Variants in PHACTR2 observed in about 807,000 individuals in gnomAD.
PHACTR2 encodes chromosome 6 open reading frame 56.
Under a neutral mutation model 76.0 loss-of-function variants are expected in PHACTR2, and 30 were observed. The observed-to-expected ratio is 0.39, with a 90% CI of 0.30 to 0.54. PHACTR2 has a LOEUF of 0.54. Among genes scored for constraint, PHACTR2 ranks in the 20% least tolerant of loss-of-function variants. The probability of loss-of-function intolerance (pLI) is 0.61; values close to 1 mark genes in which losing one functional copy is unlikely to be tolerated. For synonymous variants in PHACTR2, 292 were observed against 292.5 expected (o/e 1.00, Z 0.02); for missense variants, 696 against 781.1 (o/e 0.89, Z 1.30).
At position 143,726,600 on chromosome 6, in the gene PHACTR2, C is replaced by G. The variant is rs535295854; in HGVS notation, c.214+14417C>G. 3.3e-5 allele frequency among the ~76,000 whole-genome samples: 5 copies of G among 152,102 alleles called. 1 individual carries two copies. In the East Asian group the frequency reaches 9.6e-4, roughly 29 times the overall value. On this transcript the variant is annotated intron_variant, in intron 2 of 12. Transcript: ENST00000440869. ...ATGCTGTAGCATGTGACAAGATTTC[C>G]TTTTTTCAAAGACTGTGTAGTATAC...
rs1378327689 is a variant in PHACTR2 at position 143,777,890 on chromosome 6, A to T, written c.1645+507A>T. ...TCGGCTTCCTTCTTGAGTTGTTTAT[A>T]ATTTCTCAGCACTAAAACGTTCTCC... On this transcript the variant is annotated intron_variant, in intron 9 of 12. Coordinates refer to ENST00000440869, the MANE Select transcript of PHACTR2 (RefSeq NM_001100164.2). This position sits in a 1 kb window ranked among gnomAD's most constrained non-coding sequence, Gnocchi z 4.6. Among the ~76,000 whole-genome samples, 1 of 152,136 alleles carries T rather than the reference A, an allele frequency of 6.6e-6. No homozygotes were observed. Among genetic ancestry groups the T allele is most frequent in the African/African-American group, 2.4e-5 (1 of 41,436 alleles).
intron 1 of PHACTR2, among the ~76,000 whole-genome samples, chr6:143,628,551 C>A (rs961244508): frequency 1.3e-5 from 2 of 152,146 alleles, no homozygotes; most frequent in Non-Finnish European, 2.9e-5. Flanking sequence ...TGTCTTTGCA[C>A]CTTCTCCCTC....
chr6:143,575,075 A>T (rs1297291462), intron 1 of PHACTR2, among the ~76,000 whole-genome samples: 1 of 152,204 alleles, frequency 6.6e-6, no homozygotes, highest in Non-Finnish European at 1.5e-5. Flanking sequence ...GATGATAAAC[A>T]AAAAATAGGC....
In PHACTR2 at chr6:143,784,070, T is replaced by A. The variant is rs1320670018; in HGVS notation, c.1707+790T>A. ...AAAGAAAAAAAGAAGTGAAAAAAGTTTTTAATTATGATAAAAATTATTTCT... is the reference window on the plus strand; with the variant it reads ...AAAGAAAAAAAGAAGTGAAAAAAGTATTTAATTATGATAAAAATTATTTCT... On this transcript the variant is annotated intron_variant, in intron 10 of 12. Transcript: ENST00000440869. This position sits in a 1 kb window ranked among gnomAD's most constrained non-coding sequence, Gnocchi z 4.5. Among the ~76,000 whole-genome samples the A allele has an allele frequency of 6.6e-6, 1 of 152,150 alleles. No homozygotes were observed. Among genetic ancestry groups the A allele is most frequent in the Admixed American group, 6.5e-5 (1 of 15,272 alleles).
At chr6:143,682,646 G>C (rs544192340) in intron 1 of PHACTR2, among the ~76,000 whole-genome samples, 3 of 152,116 alleles carry the variant, frequency 2.0e-5, no homozygotes, top group Admixed American at 6.5e-5. Flanking sequence ...TTTTAGAGTT[G>C]AATGCCTTTT....
At chr6:143,729,157 A>G (rs1397852071) in intron 2 of PHACTR2, among the ~76,000 whole-genome samples, 1 of 152,106 alleles carries the variant, frequency 6.6e-6, no homozygotes, top group Non-Finnish European at 1.5e-5. Flanking sequence ...TGAAGTTTCT[A>G]TTCAGGTCTT....
Position 143,789,412 on chromosome 6 carries a change from A to T in PHACTR2, c.1845+502A>T, listed in dbSNP as rs1775626642. On this transcript the variant is annotated intron_variant, in intron 11 of 12. Coordinates refer to ENST00000440869, the MANE Select transcript of PHACTR2 (RefSeq NM_001100164.2). This position sits in a 1 kb window ranked among gnomAD's most constrained non-coding sequence, Gnocchi z 5.1. ...ATTGAATGGATATGTATATGCTCCA[A>T]TAAAACTTTATCTACAAAAACAGAT... 2 of 152,496 alleles carry T rather than the reference A, an allele frequency of 1.3e-5. No individual in the cohort carries two copies. The highest frequency in any genetic ancestry group is 6.5e-5 in the Admixed American group (1 of 15,332). 9.4% of individuals were successfully genotyped at this position (152,496 alleles called of 1,614,324 possible).
chr6:143,771,178 A>ATATATATG, intron 6 of PHACTR2, among the ~76,000 whole-genome samples: 1 of 26,116 alleles, frequency 3.8e-5, no homozygotes, highest in Non-Finnish European at 6.4e-5. Context: ...ATATATGTAT[A>ATATATATG]TATATATATA....
At position 143,811,118 on chromosome 6, in the gene PHACTR2, G is replaced by A. The variant is rs943500029; in HGVS notation, c.1922+3985G>A. Among the ~76,000 whole-genome samples, 2 of 152,086 alleles carry A rather than the reference G, an allele frequency of 1.3e-5. No homozygotes were observed. Among genetic ancestry groups the A allele is most frequent in the Non-Finnish European group, 2.9e-5 (2 of 68,024 alleles). On this transcript the variant is annotated intron_variant, in intron 12 of 12. Transcript: ENST00000440869. The surrounding 1 kb of genome is among the most constrained non-coding windows in gnomAD (Gnocchi z 4.1). ...TTACCTGTTATCTATGCTTTGGAGAGGTGCATTTATTTGTGTGTATGATTC... is the reference window on the plus strand; with the variant it reads ...TTACCTGTTATCTATGCTTTGGAGAAGTGCATTTATTTGTGTGTATGATTC...
At position 143,820,102 on chromosome 6, in the gene PHACTR2, A is replaced by G. The variant is rs562799179; in HGVS notation, c.1923-3572A>G. 1.3e-5 allele frequency among the ~76,000 whole-genome samples: 2 copies of G among 152,192 alleles called. No homozygotes were observed. The highest frequency in any genetic ancestry group is 4.8e-5 in the African/African-American group (2 of 41,510). ...AGTCACTCACCATCACAAAGACAGT[A>G]CCAAGCCATAGGGATCCACCCCCAG... On this transcript the variant is annotated intron_variant, in intron 12 of 12. Transcript: ENST00000440869. This position sits in a 1 kb window ranked among gnomAD's most constrained non-coding sequence, Gnocchi z 4.2.
chr6:143,747,011 G>A (rs575199513), intron 2 of PHACTR2, among the ~76,000 whole-genome samples: 2 of 152,100 alleles, frequency 1.3e-5, no homozygotes, highest in Non-Finnish European at 2.9e-5. Flanking sequence ...AAAGCTGTTC[G>A]TTGTCATTCT....
chr6:143,678,178 G>C lies in PHACTR2; in HGVS notation c.15G>C (p.Ser5=), dbSNP rs939333390. 1 of 1,541,374 alleles carries C rather than the reference G, an allele frequency of 6.5e-7. No homozygotes were observed. Among genetic ancestry groups the C allele is most frequent in the East Asian group, 2.5e-5 (1 of 39,932 alleles). MGQT[S]VSTLSPQPGS... ...CGACCCCAGTCATGGGCCAGACCTC[G>C]GTGTCCACGCTGTCCCCGCAGCCCG... The change falls in exon 1 of 13, where the codon TCG becomes TCC. Residue 5 remains serine (S), a synonymous_variant. Coordinates refer to ENST00000440869, the MANE Select transcript of PHACTR2 (RefSeq NM_001100164.2). This position sits in a 1 kb window ranked among gnomAD's most constrained non-coding sequence, Gnocchi z 6.2.
rs182579261 is a variant in PHACTR2 at position 143,621,673 on chromosome 6, C to A, written c.13+13351C>A. ...GCCTGTTCTACCTGCTGGTATGGGG[C>A]CTTGGGCATATCCATGAGCCTCACT... On this transcript the variant is annotated intron_variant, in intron 1 of 11. Coordinates refer to the PHACTR2 transcript ENST00000305766. This position sits in a 1 kb window ranked among gnomAD's most constrained non-coding sequence, Gnocchi z 4.1. Among the ~76,000 whole-genome samples the A allele has an allele frequency of 6.6e-6, 1 of 152,268 alleles. No homozygotes were observed. The highest frequency in any genetic ancestry group is 1.5e-5 in the Non-Finnish European group (1 of 68,022).
chr6:143,752,559 T>C (rs931420910), intron 3 of PHACTR2, among the ~76,000 whole-genome samples: 4 of 152,200 alleles, frequency 2.6e-5, no homozygotes, highest in Admixed American at 6.5e-5. Flanking sequence ...TTATAGGTTA[T>C]TGGGAGTTAT....
chr6:143,785,803 C>G (rs1775544019), intron 10 of PHACTR2, among the ~76,000 whole-genome samples: 1 of 152,238 alleles, frequency 6.6e-6, no homozygotes, highest in African/African-American at 2.4e-5. Flanking sequence ...AGCCCAAGTT[C>G]TACATTTGCC....
chr6:143,619,080 A>C lies in PHACTR2; in HGVS notation c.13+10758A>C, dbSNP rs764316266. ...GGAATTGAATGCTGTGGCCATATGCAATTTAATATGAGCAGCAGTTCTTCA... is the reference window on the plus strand; with the variant it reads ...GGAATTGAATGCTGTGGCCATATGCCATTTAATATGAGCAGCAGTTCTTCA... On this transcript the variant is annotated intron_variant, in intron 1 of 11. Coordinates refer to the PHACTR2 transcript ENST00000305766. The surrounding 1 kb of genome is among the most constrained non-coding windows in gnomAD (Gnocchi z 4.5). 2.0e-5 allele frequency among the ~76,000 whole-genome samples: 3 copies of C among 152,188 alleles called. No individual in the cohort carries two copies. The highest frequency in any genetic ancestry group is 2.9e-5 in the Non-Finnish European group (2 of 68,038).
intron 1 of PHACTR2, among the ~76,000 whole-genome samples, chr6:143,568,933 A>C (rs975208252): frequency 6.6e-6 from 1 of 152,238 alleles, no homozygotes; most frequent in Non-Finnish European, 1.5e-5. Flanking sequence ...GGATTTGACT[A>C]ATCAGAGCTG....
intron 11 of PHACTR2, among the ~76,000 whole-genome samples, chr6:143,796,691 G>C (rs1326919307): frequency 2.0e-5 from 3 of 152,060 alleles, no homozygotes; most frequent in Non-Finnish European, 4.4e-5. Context: ...ATAGTTTGCT[G>C]AGAATGATGG....
rs544668411 is a variant in PHACTR2, at chr6:143,730,104, C to T, written c.214+17921C>T. On this transcript the variant is annotated intron_variant, in intron 2 of 12. Coordinates refer to ENST00000440869, the MANE Select transcript of PHACTR2 (RefSeq NM_001100164.2). The surrounding 1 kb of genome is among the most constrained non-coding windows in gnomAD (Gnocchi z 4.8). ...CTGAAAATTAGGTAGTGTGATTTTCCAACCTTATTCTTCATTTAAAATTGT... is the reference window on the plus strand; with the variant it reads ...CTGAAAATTAGGTAGTGTGATTTTCTAACCTTATTCTTCATTTAAAATTGT... Among the ~76,000 whole-genome samples the T allele has an allele frequency of 6.6e-6, 1 of 152,174 alleles. No homozygotes were observed. Among genetic ancestry groups the T allele is most frequent in the African/African-American group, 2.4e-5 (1 of 41,522 alleles).
Sources: allele counts gnomAD v4.1 joint callset (sites outside exome capture counted in the v4.1 genomes callset), GRCh38; gene constraint gnomAD v4.1.1; non-coding constraint Gnocchi (gnomAD v3.1); transcripts MANE v1.5; gene names NCBI Gene and HGNC (gene_info 2026-07-23, HGNC 2026-07-21).